P2RX5: variants seen among roughly 807,000 people sequenced by gnomAD.
The protein encoded by P2RX5 is P2X purinoceptor 5.
In P2RX5, 46 loss-of-function variants were observed where a neutral mutation model predicts 54.1. The observed-to-expected ratio is 0.85, with a 90% CI of 0.67 to 1.09. The LOEUF (loss-of-function observed/expected upper bound fraction) is 1.09, where lower values mean the gene tolerates loss of function less well. Among genes scored for constraint, P2RX5 ranks in the 50% least tolerant of loss-of-function variants. The pLI is 0.00. For synonymous variants in P2RX5, 226 were observed against 226.4 expected (o/e 1.00, Z 0.02); for missense variants, 566 against 549.8 (o/e 1.03, Z -0.29).
the P2RX5 span, among the ~76,000 whole-genome samples, chr17:3,703,834 C>G: frequency 6.6e-6 from 1 of 152,324 alleles, no homozygotes; most frequent in Non-Finnish European, 1.5e-5. Flanking sequence ...GGCATGGTGG[C>G]TCACGCCTGT....
chr17:3,699,952 A>G (rs1483294407), upstream of P2RX5, among the ~76,000 whole-genome samples: 8 of 136,794 alleles, frequency 5.8e-5, no homozygotes, highest in Admixed American at 5.0e-4. Context: ...GAAAGAAAGA[A>G]AGAAAGAAAG....
intron 2 of P2RX5, among the ~76,000 whole-genome samples, chr17:3,691,374 A>C (rs2050612001): frequency 1.3e-5 from 2 of 152,224 alleles, no homozygotes. Flanking sequence ...CACCTGACTC[A>C]CAATGACCTG....
the P2RX5 span, among the ~76,000 whole-genome samples, chr17:3,703,342 C>T: frequency 1.3e-5 from 2 of 151,778 alleles, no homozygotes; most frequent in Non-Finnish European, 1.5e-5. Flanking sequence ...CTTGTTTCTA[C>T]CTAAAAAAAC....
rs768759318 is a variant in P2RX5, at chr17:3,689,548, G to A, written c.697C>T (p.Arg233Ter). The A allele has an allele frequency of 3.0e-5, 48 of 1,614,068 alleles. 2 individuals are homozygous for A. The Admixed American group carries it at 3.0e-4, about 10-fold the overall frequency. Reference sequence around the variant, plus strand: ...GCCCAGCGGATCACGGAGCCCAGTCGGAAGATGGGGCAGTAGTGGTTCTTG... The same window carrying A: ...GCCCAGCGGATCACGGAGCCCAGTCAGAAGATGGGGCAGTAGTGGTTCTTG... ...GPKNHYCPIF[R>*]LGSVIRWAGS... Residue 233 changes from arginine to a stop codon, truncating the protein, a stop_gained, in exon 7 of 12, where the codon CGA becomes TGA. Transcript: ENST00000225328. LOFTEE classifies it high-confidence loss of function.
the P2RX5 span, among the ~76,000 whole-genome samples, chr17:3,709,469 G>A: frequency 6.6e-6 from 1 of 152,294 alleles, no homozygotes; most frequent in South Asian, 2.1e-4. Flanking sequence ...CTATTAGGAC[G>A]ACGATGCTTC....
At chr17:3,722,920 C>T in the P2RX5 span, among the ~76,000 whole-genome samples, 1 of 152,126 alleles carries the variant, frequency 6.6e-6, no homozygotes, top group Non-Finnish European at 1.5e-5. Flanking sequence ...GAAAGGCAGG[C>T]CGAAGGTTAT....
chr17:3,716,984 C>T, the P2RX5 span: 3 of 540,750 alleles, frequency 5.5e-6, no homozygotes, highest in Admixed American at 3.4e-5. Context: ...TAAAACTATC[C>T]AATCACCCAA....
chr17:3,716,335 C>T, the P2RX5 span, among the ~76,000 whole-genome samples: 1 of 152,120 alleles, frequency 6.6e-6, no homozygotes. Context: ...TAAGGCCTTA[C>T]CGTTAAGGCC....
At chr17:3,682,037 G>C in intron 9 of P2RX5, 59 bp from the exon 10 acceptor site, 1 of 1,216,366 alleles carries the variant, frequency 8.2e-7, no homozygotes, top group Non-Finnish European at 1.2e-6. Flanking sequence ...TGTTCATTTA[G>C]GGCACTTTGC....
the P2RX5 span, chr17:3,717,451 A>G: frequency 6.6e-6 from 1 of 152,148 alleles, no homozygotes; most frequent in Non-Finnish European, 1.5e-5. Context: ...AGGCTCTCCC[A>G]ATTTCGGGAG....
At position 3,677,672 on chromosome 17, in the gene P2RX5, C is replaced by T. The variant is rs918515797; in HGVS notation, c.1259+1918G>A. ...TGGCTTTGGAGGAATTACACGCGGG[C>T]CCCTCTCCCTGAGGTTAGGTCAGCA... On this transcript the variant is annotated intron_variant, in intron 11 of 11. Transcript: ENST00000225328. 4.1e-6 allele frequency: 4 copies of T among 985,200 alleles called. No individual in the cohort carries two copies. In the African/African-American group the frequency reaches 7.0e-5, roughly 17 times the overall value. 61.0% of individuals were successfully genotyped at this position (985,200 alleles called of 1,614,324 possible).
intron 10 of P2RX5, among the ~76,000 whole-genome samples, chr17:3,680,496 TGTCCTCCACCCTGCATCCTCCACCCTGC>T (rs2050233494): frequency 5.7e-4 from 9 of 15,752 alleles, no homozygotes; most frequent in African/African-American, 2.9e-3. Context: ...CTCCACCCAG[TGTCCTCCACCCTGCATCCTCCACCCTGC>T]GTCCTCCACC....
At chr17:3,690,839 A>G in intron 3 of P2RX5, 117 bp downstream of exon 3, 2 of 1,148,106 alleles carry the variant, frequency 1.7e-6, no homozygotes, top group Non-Finnish European at 2.6e-6. Flanking sequence ...ACCCGGGTGC[A>G]CACAGCCACC....
At chr17:3,674,664 C>T (rs535666681) in intron 11 of P2RX5, among the ~76,000 whole-genome samples, 27 of 152,352 alleles carry the variant, frequency 1.8e-4, no homozygotes, top group Non-Finnish European at 3.5e-4. Flanking sequence ...CTCCTGTCTG[C>T]CGCCTTCACC....
intron 11 of P2RX5, chr17:3,677,845 T>G (rs2050139243): frequency 3.0e-6 from 3 of 985,424 alleles, no homozygotes; most frequent in African/African-American, 3.5e-5. Context: ...TCCCTTTCCC[T>G]GGACACCTGC....
the P2RX5 span, among the ~76,000 whole-genome samples, chr17:3,708,078 A>G: frequency 6.6e-6 from 1 of 151,164 alleles, no homozygotes; most frequent in Non-Finnish European, 1.5e-5. Flanking sequence ...AAAAAAAAAA[A>G]AACACCAGGA....
At chr17:3,704,106 A>C in the P2RX5 span, among the ~76,000 whole-genome samples, 11 of 35,338 alleles carry the variant, frequency 3.1e-4, no homozygotes, top group South Asian at 0.025. Context: ...CTGCCTCAAA[A>C]AAACAAACAA....
chr17:3,705,216 G>A, the P2RX5 span, among the ~76,000 whole-genome samples: 476 of 152,306 alleles, frequency 3.1e-3, 1 homozygote, highest in African/African-American at 0.011. Context: ...CAATGAGAAT[G>A]AGTGTGAGAA....
At chr17:3,710,451 T>A in the P2RX5 span, among the ~76,000 whole-genome samples, 34 of 151,508 alleles carry the variant, frequency 2.2e-4, no homozygotes, top group South Asian at 2.9e-3. Flanking sequence ...ATAAATAAAT[T>A]AATAAAATGA....
Sources: gnomAD v4.1 joint callset for allele counts (sites outside exome capture counted in the v4.1 genomes callset) on GRCh38, gnomAD v4.1.1 for gene constraint, MANE v1.5 for transcripts, NCBI Gene and HGNC (gene_info 2026-07-23, HGNC 2026-07-21) for gene names.